The following ZNF704 variants were observed in gnomAD, a reference collection of about 807,000 sequenced individuals.
The protein encoded by ZNF704 is glucocorticoid induced gene 1.
ZNF704 carries 10 observed loss-of-function variants against 44.7 expected under a neutral mutation model. The ratio of observed to expected loss-of-function variants is 0.22; its 90% CI spans 0.14 to 0.38. The LOEUF (loss-of-function observed/expected upper bound fraction) is 0.38, where lower values mean the gene tolerates loss of function less well. Among genes scored for constraint, ZNF704 ranks in the 10% least tolerant of loss-of-function variants. The pLI is 1.00. For missense variants in ZNF704, 390 were observed against 545.5 expected (o/e 0.71, Z 2.84); for synonymous variants, 211 against 207.6 (o/e 1.02, Z -0.14).
intron 2 of ZNF704, among the ~76,000 whole-genome samples, chr8:80,757,791 T>C (rs1031599351): frequency 6.6e-6 from 1 of 152,218 alleles, no homozygotes; most frequent in African/African-American, 2.4e-5. Context: ...TTGCCTGCAG[T>C]ATTCCGTACA....
rs1338906481 is a variant in ZNF704 at position 80,631,415 on chromosome 8, A to G, written c.*9951T>C. 6.6e-6 allele frequency: 1 copy of G among 152,210 alleles called. No individual in the cohort carries two copies. The highest frequency in any genetic ancestry group is 1.5e-5 in the Non-Finnish European group (1 of 68,044). The allele number at this position is 152,210 out of a possible 1,614,324, so 9.4% of individuals were successfully genotyped here. On this transcript the variant is annotated 3_prime_UTR_variant, in exon 9 of 9. Coordinates refer to ENST00000327835, the MANE Select transcript of ZNF704 (RefSeq NM_001033723.3). Reference sequence around the variant, plus strand: ...TTTCTCTTTCCATAAATACGAAATTATAACAATTATATGCTGCAGGAGCCA... The same window carrying G: ...TTTCTCTTTCCATAAATACGAAATTGTAACAATTATATGCTGCAGGAGCCA...
Position 80,670,568 on chromosome 8 carries a change from T to C in ZNF704, c.594A>G (p.Lys198=). 1 of 1,614,100 alleles carries C rather than the reference T, an allele frequency of 6.2e-7. No homozygotes were observed. The highest frequency in any genetic ancestry group is 8.5e-7 in the Non-Finnish European group (1 of 1,179,938). ...SMKVMFKCLW[K]NCGKVLSTAA... ...CAGTGCTCAGCACCTTCCCACAGTT[T>C]TTCCAGAGGCATTTGAACATCACCT... The change falls in exon 5 of 9, where the codon AAA becomes AAG. Residue 198 remains lysine, a synonymous_variant. Transcript: ENST00000327835.
rs886693731 is a variant in ZNF704 at position 80,742,573 on chromosome 8, G to A, written c.222-49466C>T. On this transcript the variant is annotated intron_variant, in intron 2 of 8. Transcript: ENST00000327835. ...TGCAGGGTATTATTTGAATACATTT[G>A]AATCCCTGTATCTTTAACCTCCTTG... is the stretch of plus-strand genomic sequence containing the variant. Among the ~76,000 whole-genome samples, 3 of 152,090 alleles carry A rather than the reference G, an allele frequency of 2.0e-5. No homozygotes were observed. The East Asian group carries it at 5.8e-4, about 29-fold the overall frequency.
At chr8:80,651,401 T>C (rs1015768939) in intron 7 of ZNF704, among the ~76,000 whole-genome samples, 2 of 151,828 alleles carry the variant, frequency 1.3e-5, no homozygotes, top group African/African-American at 4.8e-5. Context: ...GACCCATCAG[T>C]GTGCTGTATT....
At chr8:80,703,301 C>T (rs1818841595) in intron 2 of ZNF704, among the ~76,000 whole-genome samples, 1 of 152,084 alleles carries the variant, frequency 6.6e-6, no homozygotes, top group Non-Finnish European at 1.5e-5. Flanking sequence ...ACCCTTAGTA[C>T]TCAGCTCCAT....
chr8:80,842,999 A>T (rs894207799), intron 1 of ZNF704, among the ~76,000 whole-genome samples: 1 of 152,220 alleles, frequency 6.6e-6, no homozygotes, highest in Non-Finnish European at 1.5e-5. Context: ...CTTCAACTCA[A>T]GAGGTGAGTC....
At chr8:80,852,849 C>G (rs1217537713) in intron 1 of ZNF704, among the ~76,000 whole-genome samples, 1 of 152,084 alleles carries the variant, frequency 6.6e-6, no homozygotes, top group Non-Finnish European at 1.5e-5. Flanking sequence ...TATGTTTTAG[C>G]CCCCCAAAGT....
chr8:80,769,684 T>C (rs1807286471), intron 2 of ZNF704, among the ~76,000 whole-genome samples: 2 of 152,198 alleles, frequency 1.3e-5, no homozygotes. Context: ...GCTATCAGCA[T>C]TTTTGTCAAA....
intron 2 of ZNF704, among the ~76,000 whole-genome samples, chr8:80,703,563 C>T (rs559678130): frequency 6.6e-6 from 1 of 152,320 alleles, no homozygotes; most frequent in South Asian, 2.1e-4. Flanking sequence ...TAGCTTCCAC[C>T]TGCAGGGCTC....
At chr8:80,815,154 G>T (rs536626483) in intron 2 of ZNF704, among the ~76,000 whole-genome samples, 1 of 152,272 alleles carries the variant, frequency 6.6e-6, no homozygotes, top group East Asian at 1.9e-4. Flanking sequence ...ATTTTATTCA[G>T]CAAGTGATAA....
At chr8:80,682,760 A>G (rs1818474553) in intron 4 of ZNF704, among the ~76,000 whole-genome samples, 1 of 152,252 alleles carries the variant, frequency 6.6e-6, no homozygotes, top group African/African-American at 2.4e-5. Flanking sequence ...GCAAAGTATT[A>G]GCAGCTAACA....
At chr8:80,840,312 T>C (rs1481310309) in intron 1 of ZNF704, among the ~76,000 whole-genome samples, 3 of 151,616 alleles carry the variant, frequency 2.0e-5, no homozygotes, top group Non-Finnish European at 2.9e-5. Flanking sequence ...ATTGTGTGCG[T>C]GTGTGTGTGT....
intron 2 of ZNF704, among the ~76,000 whole-genome samples, chr8:80,786,728 T>A (rs548286445): frequency 6.6e-6 from 1 of 152,192 alleles, no homozygotes; most frequent in Non-Finnish European, 1.5e-5. Context: ...CAATCACCAA[T>A]GGCTTGTCCT....
At chr8:80,718,951 G>T (rs1306536415) in intron 2 of ZNF704, among the ~76,000 whole-genome samples, 3 of 150,680 alleles carry the variant, frequency 2.0e-5, no homozygotes, top group Non-Finnish European at 2.9e-5. Flanking sequence ...CTTGCACAGA[G>T]TGAGCACTCT....
At chr8:80,821,041 G>C (rs1210279887) in intron 2 of ZNF704, among the ~76,000 whole-genome samples, 1 of 152,198 alleles carries the variant, frequency 6.6e-6, no homozygotes, top group Non-Finnish European at 1.5e-5. Flanking sequence ...CTTTGAAGTG[G>C]CTACAGTCCT....
At chr8:80,738,589 C>A (rs1026178756) in intron 2 of ZNF704, among the ~76,000 whole-genome samples, 1 of 149,526 alleles carries the variant, frequency 6.7e-6, no homozygotes, top group African/African-American at 2.5e-5. Context: ...TTTTTCTTTA[C>A]TGAACCTTTT....
chr8:80,828,178 T>A (rs1464741602), intron 1 of ZNF704, among the ~76,000 whole-genome samples: 1 of 152,134 alleles, frequency 6.6e-6, no homozygotes, highest in East Asian at 1.9e-4. Context: ...TACAATCTAC[T>A]CAGCAGTTAA....
intron 2 of ZNF704, among the ~76,000 whole-genome samples, chr8:80,741,290 C>G (rs1419341288): frequency 6.6e-6 from 1 of 152,156 alleles, no homozygotes; most frequent in Non-Finnish European, 1.5e-5. Flanking sequence ...CTAACCCAAG[C>G]CCCAGTGTTA....
At chr8:80,798,539 G>A (rs1473795069) in intron 2 of ZNF704, among the ~76,000 whole-genome samples, 1 of 152,176 alleles carries the variant, frequency 6.6e-6, no homozygotes, top group Non-Finnish European at 1.5e-5. Context: ...ATAGGCGTGA[G>A]CCACGATGCC....
Sources: gnomAD v4.1 joint callset for allele counts (sites outside exome capture counted in the v4.1 genomes callset) on GRCh38, gnomAD v4.1.1 for gene constraint, MANE v1.5 for transcripts, NCBI Gene and HGNC (gene_info 2026-07-23, HGNC 2026-07-21) for gene names.